The following FRMD5 variants were observed in gnomAD, a reference collection of about 807,000 sequenced individuals.
The protein encoded by FRMD5 is FERM domain-containing protein 5.
FRMD5 carries 20 observed loss-of-function variants against 69.0 expected under a neutral mutation model. The ratio of observed to expected loss-of-function variants is 0.29; its 90% CI spans 0.20 to 0.42. FRMD5 has a LOEUF of 0.42. Among genes scored for constraint, FRMD5 ranks in the 10% least tolerant of loss-of-function variants. FRMD5 has a pLI of 1.00. For synonymous variants in FRMD5, 271 were observed against 260.1 expected (o/e 1.04, Z -0.40); for missense variants, 595 against 708.6 (o/e 0.84, Z 1.82).
intron 1 of FRMD5, chr15:44,063,757 AC>A: frequency 3.1e-6 from 1 of 320,944 alleles, no homozygotes; most frequent in Non-Finnish European, 6.1e-6. Flanking sequence ...GAGAGATCCC[AC>A]CAAAATCAAA....
At chr15:44,124,961 C>G (rs1281679682) in intron 1 of FRMD5, among the ~76,000 whole-genome samples, 1 of 151,886 alleles carries the variant, frequency 6.6e-6, no homozygotes, top group African/African-American at 2.4e-5. Flanking sequence ...TCATCTCAAA[C>G]AACAACAAAA....
chr15:44,066,712 G>A (rs1234276639), intron 1 of FRMD5, among the ~76,000 whole-genome samples: 1 of 152,106 alleles, frequency 6.6e-6, no homozygotes, highest in East Asian at 1.9e-4. Context: ...ACTTTACTTT[G>A]GGAAGATTCA....
chr15:43,962,745 A>G (rs2090223786), intron 1 of FRMD5, among the ~76,000 whole-genome samples: 1 of 152,188 alleles, frequency 6.6e-6, no homozygotes, highest in African/African-American at 2.4e-5. Flanking sequence ...CCTCAGAAAT[A>G]ATGCCGCATA....
chr15:44,004,171 C>A (rs1890334156), intron 1 of FRMD5, among the ~76,000 whole-genome samples: 1 of 152,156 alleles, frequency 6.6e-6, no homozygotes, highest in Non-Finnish European at 1.5e-5. Context: ...TGTGTCCTTA[C>A]AAGAAATTTA....
intron 1 of FRMD5, among the ~76,000 whole-genome samples, chr15:44,035,690 A>T (rs1276793447): frequency 6.6e-6 from 1 of 152,168 alleles, no homozygotes; most frequent in Non-Finnish European, 1.5e-5. Flanking sequence ...ATGTGCCATT[A>T]TGCAAATGTT....
In FRMD5 at chr15:43,898,705, G is replaced by A. The variant is rs368097296; in HGVS notation, c.639+3470C>T. Among the ~76,000 whole-genome samples the A allele has an allele frequency of 2.0e-4, 31 of 152,344 alleles. No individual in the cohort carries two copies. In the East Asian group the frequency reaches 3.9e-3, roughly 19 times the overall value. On this transcript the variant is annotated intron_variant, in intron 7 of 13. Coordinates refer to ENST00000417257, the MANE Select transcript of FRMD5 (RefSeq NM_032892.5). ...GGGCCAGGGAACAGATATAGCAATG[G>A]ACTGCCAGTGGTTTGCTTCATTCTC...
At chr15:43,971,718 T>C (rs1400476904) in intron 1 of FRMD5, among the ~76,000 whole-genome samples, 2 of 152,060 alleles carry the variant, frequency 1.3e-5, no homozygotes, top group African/African-American at 2.4e-5. Context: ...CTTCGTTTTT[T>C]CTTCTTTTTT....
intron 1 of FRMD5, among the ~76,000 whole-genome samples, chr15:44,072,034 T>C (rs1893562632): frequency 6.6e-6 from 1 of 152,068 alleles, no homozygotes; most frequent in African/African-American, 2.4e-5. Context: ...CCTGGCTAAT[T>C]TTTGTATTTT....
chr15:43,928,308 GA>G (rs2089620244), intron 1 of FRMD5, among the ~76,000 whole-genome samples: 1 of 152,194 alleles, frequency 6.6e-6, no homozygotes, highest in Non-Finnish European at 1.5e-5. Context: ...GGGTGGGGGT[GA>G]GGGGAATGAG....
At chr15:44,054,488 G>A (rs958961833) in intron 1 of FRMD5, among the ~76,000 whole-genome samples, 1 of 152,148 alleles carries the variant, frequency 6.6e-6, no homozygotes, top group African/African-American at 2.4e-5. Context: ...TTGAGTGAAT[G>A]CAAAAACATC....
chr15:43,999,957 T>TATATATATATATATATATGCCATGC, intron 1 of FRMD5, among the ~76,000 whole-genome samples: 1 of 75,830 alleles, frequency 1.3e-5, no homozygotes, highest in Admixed American at 1.3e-4. Flanking sequence ...GCCATGCATA[T>TATATATATATATATATATGCCATGC]ATATATATAT....
chr15:44,136,948 C>A (rs937947146), intron 1 of FRMD5, among the ~76,000 whole-genome samples: 3 of 152,016 alleles, frequency 2.0e-5, no homozygotes, highest in African/African-American at 4.8e-5. Context: ...TAAAAAAATT[C>A]TTAAAAAAGG....
rs573403375 is a variant in FRMD5 at position 44,188,808 on chromosome 15, T to C, written c.102+6145A>G. ...TTGAATGGTTTTTCTTGGTGGGCAG[T>C]GGTTGTCTGAGGCTTTGAACTGATC... On this transcript the variant is annotated intron_variant, in intron 1 of 13. Transcript: ENST00000417257. Among the ~76,000 whole-genome samples, 7 of 152,158 alleles carry C rather than the reference T, an allele frequency of 4.6e-5. 1 individual carries two copies. Among genetic ancestry groups the C allele is most frequent in the South Asian group, 4.2e-4 (2 of 4,790 alleles).
intron 1 of FRMD5, among the ~76,000 whole-genome samples, chr15:43,992,956 G>A (rs1889757164): frequency 6.6e-6 from 1 of 152,000 alleles, no homozygotes; most frequent in South Asian, 2.1e-4. Context: ...TTGGTATTTT[G>A]TATTCTATTT....
intron 7 of FRMD5, among the ~76,000 whole-genome samples, chr15:43,895,339 C>T (rs2088888964): frequency 6.6e-6 from 1 of 152,180 alleles, no homozygotes; most frequent in South Asian, 2.1e-4. Context: ...GGCCATGACA[C>T]AGTCAGAGAT....
chr15:43,928,284 T>C (rs1022618213), intron 1 of FRMD5, among the ~76,000 whole-genome samples: 1 of 152,188 alleles, frequency 6.6e-6, no homozygotes, highest in Non-Finnish European at 1.5e-5. Context: ...TCCTTTGCTC[T>C]TTCTCCAAGG....
At chr15:44,069,167 G>C (rs1457435824) in intron 1 of FRMD5, among the ~76,000 whole-genome samples, 1 of 152,076 alleles carries the variant, frequency 6.6e-6, no homozygotes, top group South Asian at 2.1e-4. Context: ...ATAAAAAATA[G>C]TGACAACACC....
intron 1 of FRMD5, among the ~76,000 whole-genome samples, chr15:44,152,382 T>A (rs1380618116): frequency 6.6e-6 from 1 of 152,252 alleles, no homozygotes; most frequent in Non-Finnish European, 1.5e-5. Flanking sequence ...TACTCCAATG[T>A]GCAAATACAT....
intron 1 of FRMD5, among the ~76,000 whole-genome samples, chr15:44,106,390 C>T (rs2076718717): frequency 6.6e-6 from 1 of 152,146 alleles, no homozygotes; most frequent in African/African-American, 2.4e-5. Context: ...AGCCTCATTG[C>T]CACTACTCTT....
Sources: allele counts gnomAD v4.1 joint callset (sites outside exome capture counted in the v4.1 genomes callset), GRCh38; gene constraint gnomAD v4.1.1; transcripts MANE v1.5; gene names NCBI Gene and HGNC (gene_info 2026-07-23, HGNC 2026-07-21).